Variants in UBE3B observed in about 807,000 individuals in gnomAD.
UBE3B encodes ubiquitin-protein ligase E3B.
In UBE3B, 80 loss-of-function variants were observed where a neutral mutation model predicts 132.3. That is an observed-to-expected ratio of 0.60 (90% CI 0.50 to 0.73). The LOEUF is 0.73. UBE3B is among the 30% of genes least tolerant of loss of function. The probability of loss-of-function intolerance (pLI) is 0.00; values close to 1 mark genes in which losing one functional copy is unlikely to be tolerated. For missense variants in UBE3B, 1,196 were observed against 1,362.5 expected (o/e 0.88, Z 1.92); for synonymous variants, 487 against 520.4 (o/e 0.94, Z 0.87).
At chr12:109,530,201 G>A in intron 25 of UBE3B, 129 bp downstream of exon 25, 1 of 1,102,276 alleles carries the variant, frequency 9.1e-7, no homozygotes, top group Non-Finnish European at 1.3e-6. Flanking sequence ...TCCCTGGACT[G>A]GCTAGACTGC....
chr12:109,508,627 T>C (rs927662489), intron 15 of UBE3B: 6 of 985,444 alleles, frequency 6.1e-6, no homozygotes, highest in African/African-American at 5.2e-5. Context: ...AGGTGGCAGA[T>C]TGGGTGAGGA....
intron 27 of UBE3B, chr12:109,533,801 G>A: frequency 1.1e-6 from 1 of 885,026 alleles, no homozygotes; most frequent in Non-Finnish European, 1.8e-6. Context: ...TCAGGGAAGG[G>A]TACCTGGAGT....
At position 109,488,463 on chromosome 12, in the gene UBE3B, G is replaced by A. The variant is rs1876881398; in HGVS notation, c.448-109G>A. On this transcript the variant is annotated intron_variant, in intron 6 of 27. Transcript: ENST00000342494. ...AGAATTAAGACTGACTTATAATCCT[G>A]ACTCAGTGATTCCAGGCTGAGTGCC... is the stretch of plus-strand genomic sequence containing the variant. 5 of 959,388 alleles carry A rather than the reference G, an allele frequency of 5.2e-6. No homozygotes were observed. The Admixed American group carries it at 9.2e-5, about 18-fold the overall frequency. 59.4% of individuals were successfully genotyped at this position (959,388 alleles called of 1,614,324 possible). A position where few individuals can be genotyped will look rare whatever the true frequency, so the allele number is the denominator to read the frequency against.
intron 9 of UBE3B, among the ~76,000 whole-genome samples, chr12:109,495,617 G>A (rs946041292): frequency 2.6e-5 from 4 of 152,176 alleles, no homozygotes; most frequent in Non-Finnish European, 1.5e-5. Context: ...CTCGAACAGA[G>A]ATTTACCCAC....
chr12:109,507,155 A>G (rs1879793258), intron 14 of UBE3B, among the ~76,000 whole-genome samples: 1 of 152,234 alleles, frequency 6.6e-6, no homozygotes, highest in African/African-American at 2.4e-5. Context: ...TTCCTGAAAC[A>G]AATTGCTGAT....
At chr12:109,491,352 G>C (rs1314057647) in intron 9 of UBE3B, 2 of 393,962 alleles carry the variant, frequency 5.1e-6, no homozygotes, top group African/African-American at 4.1e-5. Flanking sequence ...TATTATTGCA[G>C]TGTGATCTTT....
chr12:109,519,780 C>T (rs1009956517), intron 19 of UBE3B: 3 of 149,010 alleles, frequency 2.0e-5, no homozygotes, highest in African/African-American at 7.7e-5. Flanking sequence ...ATAAAAAGTC[C>T]TTCTCAGGTT....
chr12:109,506,929 G>A (rs1566093469), intron 14 of UBE3B, among the ~76,000 whole-genome samples: 2 of 152,230 alleles, frequency 1.3e-5, no homozygotes, highest in African/African-American at 4.8e-5. Context: ...ATAAGGCAAA[G>A]CCGAGGTGTA....
At chr12:109,508,431 TG>T in intron 15 of UBE3B, 1 of 809,470 alleles carries the variant, frequency 1.2e-6, no homozygotes, top group Non-Finnish European at 1.5e-6. Flanking sequence ...TGGCACAGAG[TG>T]GGAAATTAAC....
Position 109,503,151 on chromosome 12 carries a change from C to A in UBE3B, c.1411C>A (p.Leu471Met), listed in dbSNP as rs1263102368. ...CNICVLYQTS[L>M]TTLTQIRLQI... ...CATCTGTGTCCTCTACCAGACCTCG[C>A]TGACAACTCTCACACAGATTCGGCT... is the stretch of plus-strand genomic sequence containing the variant. The change falls in exon 14 of 28, where the codon CTG (leucine) becomes ATG (methionine). Residue 471 changes from leucine (L) to methionine (M), a missense_variant. By Grantham distance (15) the Leu-to-Met change is conservative. Coordinates refer to ENST00000342494, the MANE Select transcript of UBE3B (RefSeq NM_130466.4). 2 of 1,614,118 alleles carry A rather than the reference C, an allele frequency of 1.2e-6. No homozygotes were observed. Among genetic ancestry groups the A allele is most frequent in the African/African-American group, 2.7e-5 (2 of 74,934 alleles).
the UBE3B span, among the ~76,000 whole-genome samples, chr12:109,546,116 T>A: frequency 6.6e-6 from 1 of 152,150 alleles, no homozygotes; most frequent in African/African-American, 2.4e-5. Context: ...CTTGGCTGCA[T>A]CTGGGAACGG....
intron 14 of UBE3B, 68 bp from the exon 15 acceptor site, chr12:109,507,496 G>A: frequency 6.6e-7 from 1 of 1,526,418 alleles, no homozygotes; most frequent in African/African-American, 1.4e-5. Flanking sequence ...TTTCCCCACT[G>A]GATAGGAGAA....
chr12:109,533,505 G>A lies in UBE3B; in HGVS notation c.2962G>A (p.Ala988Thr), dbSNP rs753221661. 7.1e-5 allele frequency: 114 copies of A among 1,613,908 alleles called. No homozygotes were observed. Among genetic ancestry groups the A allele is most frequent in the Non-Finnish European group, 8.2e-5 (97 of 1,180,020 alleles). The change falls in exon 27 of 28, where the codon GCC becomes ACC. Residue 988 changes from alanine (A) to threonine (T), a missense_variant. Coordinates refer to ENST00000342494, the MANE Select transcript of UBE3B (RefSeq NM_130466.4). ...CTCCAGACCCCCGCTCCTGGGATTCGCCTACCTCAAGCCTCCATTCTCCAT... is the reference window on the plus strand; with the variant it reads ...CTCCAGACCCCCGCTCCTGGGATTCACCTACCTCAAGCCTCCATTCTCCAT... ...SCSRPPLLGF[A>T]YLKPPFSIRC...
At chr12:109,526,496 A>G in intron 24 of UBE3B, 80 bp downstream of exon 24, 1 of 1,402,614 alleles carries the variant, frequency 7.1e-7, no homozygotes, top group Non-Finnish European at 1.0e-6. Context: ...TTGAGAATTT[A>G]TTAAGATAGA....
At chr12:109,490,039 CCA>C in intron 8 of UBE3B, 35 bp downstream of exon 8, 1 of 1,592,476 alleles carries the variant, frequency 6.3e-7, no homozygotes, top group Non-Finnish European at 8.6e-7. Context: ...TGCAACTTCT[CCA>C]CTCTCCAACA....
At chr12:109,503,647 G>A (rs1047980794) in intron 14 of UBE3B, among the ~76,000 whole-genome samples, 27 of 152,120 alleles carry the variant, frequency 1.8e-4, no homozygotes, top group Admixed American at 1.3e-3. Context: ...CAAATTCTTC[G>A]AAAACCTTAT....
At position 109,509,709 on chromosome 12, in the gene UBE3B, T is replaced by C. The variant is rs137958276; in HGVS notation, c.1736T>C (p.Ile579Thr). Residue 579 changes from isoleucine (I) to threonine (T), a missense_variant, in exon 16 of 28, where the codon ATT (isoleucine) becomes ACT (threonine). Coordinates refer to ENST00000342494, the MANE Select transcript of UBE3B (RefSeq NM_130466.4). ...SFVFKMIWDG[I>T]VENAKGETLE... is the part of the protein sequence containing the mutation. ...GTGTTTAAGATGATCTGGGATGGAATTGTAGGTAAGAGAAAAGGTGTCTGC... is the reference window on the plus strand; with the variant it reads ...GTGTTTAAGATGATCTGGGATGGAACTGTAGGTAAGAGAAAAGGTGTCTGC... The C allele has an allele frequency of 2.5e-6, 4 of 1,601,308 alleles. No homozygotes were observed. The highest frequency in any genetic ancestry group is 1.3e-5 in the African/African-American group (1 of 74,196).
At chr12:109,536,729 C>T (rs555872086), downstream of UBE3B, 23 of 152,140 alleles carry the variant, frequency 1.5e-4, no homozygotes, top group Admixed American at 3.9e-4. Flanking sequence ...CATTTCATTC[C>T]GCCATATGCC....
chr12:109,534,256 G>A lies in UBE3B; in HGVS notation c.3016-335G>A. 1 of 1,292,528 alleles carries A rather than the reference G, an allele frequency of 7.7e-7. No individual in the cohort carries two copies. Among genetic ancestry groups the A allele is most frequent in the Non-Finnish European group, 9.9e-7 (1 of 1,009,378 alleles). The allele number at this position is 1,292,528 out of a possible 1,614,324, so 80.1% of individuals were successfully genotyped here. On this transcript the variant is annotated intron_variant, in intron 27 of 27. Coordinates refer to ENST00000342494, the MANE Select transcript of UBE3B (RefSeq NM_130466.4). The surrounding 1 kb of genome is among the most constrained non-coding windows in gnomAD (Gnocchi z 5.2). ...CGGTGAGGAGGGAGGAGTGCATTCA[G>A]AAATGTTTGGGCACCTAACAGTTTT... is the stretch of plus-strand genomic sequence containing the variant.
Sources: allele counts gnomAD v4.1 joint callset (sites outside exome capture counted in the v4.1 genomes callset), GRCh38; gene constraint gnomAD v4.1.1; non-coding constraint Gnocchi (gnomAD v3.1); transcripts MANE v1.5; gene names NCBI Gene and HGNC (gene_info 2026-07-23, HGNC 2026-07-21).